Variants in MAP3K5 observed in about 807,000 individuals in gnomAD.
The protein encoded by MAP3K5 is ASK-1.
A neutral mutation model predicts 158.7 loss-of-function variants in MAP3K5; 56 were observed. The observed-to-expected ratio is 0.35, with a 90% confidence interval of 0.28 to 0.44. MAP3K5 has a LOEUF of 0.44. Among genes scored for constraint, MAP3K5 ranks in the 20% least tolerant of loss-of-function variants. The pLI is 1.00. For missense variants in MAP3K5, 1,294 were observed against 1,674.8 expected (o/e 0.77, Z 3.97); for synonymous variants, 579 against 601.7 (o/e 0.96, Z 0.55).
intron 1 of MAP3K5, among the ~76,000 whole-genome samples, chr6:136,730,203 C>T (rs1460733055): frequency 7.6e-5 from 11 of 145,604 alleles, no homozygotes; most frequent in Non-Finnish European, 1.4e-4. Flanking sequence ...CTCACTATGT[C>T]GACCAAGCTG....
chr6:136,746,295 G>GGC (rs11422222), intron 1 of MAP3K5, among the ~76,000 whole-genome samples: 1 of 151,726 alleles, frequency 6.6e-6, no homozygotes, highest in African/African-American at 2.4e-5. Flanking sequence ...TGAGGGGGGG[G>GGC]CAGGAAAATA....
At chr6:136,703,497 C>A (rs2114699325) in intron 3 of MAP3K5, among the ~76,000 whole-genome samples, 1 of 152,358 alleles carries the variant, frequency 6.6e-6, no homozygotes, top group Middle Eastern at 3.4e-3. Flanking sequence ...GTTTCCACTT[C>A]CAGCCTCCCC....
chr6:136,592,570 C>T lies in MAP3K5; in HGVS notation c.2923G>A (p.Asp975Asn), dbSNP rs1344738703. ...ISLPVPVLVEDTSSSSEYGSV... is the reference protein window; with the variant it reads ...ISLPVPVLVENTSSSSEYGSV... ...CCGTACTCACTGCTGCTGCTGGTGT[C>T]CTCCACCAGCACAGGTACCGGCAAG... Residue 975 changes from aspartate to asparagine, a missense_variant, in exon 22 of 30, where the codon GAC becomes AAC. Asp to Asn is a conservative substitution (Grantham distance 23). This residue lies in a region of MAP3K5 where 362 missense variants were observed against 463.2 expected (regional missense o/e 0.78). Coordinates refer to ENST00000359015, the MANE Select transcript of MAP3K5 (RefSeq NM_005923.4). 1 of 1,613,746 alleles carries T rather than the reference C, an allele frequency of 6.2e-7. No homozygotes were observed.
chr6:136,773,590 C>A (rs1317884134), intron 1 of MAP3K5, among the ~76,000 whole-genome samples: 1 of 152,134 alleles, frequency 6.6e-6, no homozygotes, highest in African/African-American at 2.4e-5. Context: ...ACCATCTTCC[C>A]TTTCTCACTA....
chr6:136,770,629 C>T (rs1218705470), intron 1 of MAP3K5, among the ~76,000 whole-genome samples: 17 of 152,218 alleles, frequency 1.1e-4, no homozygotes, highest in East Asian at 9.6e-4. Context: ...CAGTGGCTCA[C>T]GCCTGTAATC....
intron 1 of MAP3K5, among the ~76,000 whole-genome samples, chr6:136,790,491 TA>T (rs1405505353): frequency 3.3e-5 from 5 of 152,230 alleles, no homozygotes; most frequent in African/African-American, 1.2e-4. Context: ...CATGCTCAGT[TA>T]TGAAGACCAA....
intron 8 of MAP3K5, among the ~76,000 whole-genome samples, chr6:136,660,383 C>T (rs1424626371): frequency 6.6e-6 from 1 of 151,040 alleles, no homozygotes; most frequent in Non-Finnish European, 1.5e-5. Flanking sequence ...AAGATTCTGT[C>T]TCATGAAAAA....
At chr6:136,786,551 A>T (rs1410483108) in intron 1 of MAP3K5, among the ~76,000 whole-genome samples, 1 of 152,192 alleles carries the variant, frequency 6.6e-6, no homozygotes, top group African/African-American at 2.4e-5. Context: ...TCTGAGTGAC[A>T]GTCTCTTGTA....
intron 7 of MAP3K5, among the ~76,000 whole-genome samples, chr6:136,692,163 T>A (rs1314239938): frequency 1.3e-5 from 2 of 152,078 alleles, no homozygotes; most frequent in Non-Finnish European, 2.9e-5. Context: ...CACCTCAGCC[T>A]CCTGAGTAGC....
intron 2 of MAP3K5, among the ~76,000 whole-genome samples, chr6:136,716,411 T>C (rs1781530358): frequency 6.6e-6 from 1 of 152,174 alleles, no homozygotes; most frequent in African/African-American, 2.4e-5. Context: ...AAAAGTAGCA[T>C]TGTTTAAAGT....
chr6:136,558,023 C>A (rs9376201), intron 29 of MAP3K5, among the ~76,000 whole-genome samples: 3 of 152,152 alleles, frequency 2.0e-5, no homozygotes, highest in Non-Finnish European at 4.4e-5. Flanking sequence ...TGCTATGTCC[C>A]AAAACATCAT....
At chr6:136,703,395 A>T (rs1280486428) in intron 3 of MAP3K5, among the ~76,000 whole-genome samples, 1 of 152,136 alleles carries the variant, frequency 6.6e-6, no homozygotes, top group East Asian at 1.9e-4. Context: ...TTTTTAGCAC[A>T]TCACCTTACG....
At chr6:136,734,681 G>T (rs9784881) in intron 1 of MAP3K5, among the ~76,000 whole-genome samples, 74,485 of 151,882 alleles carry the variant, frequency 0.49, 18,502 homozygotes, top group African/African-American at 0.55. Context: ...CTTTTGTGAA[G>T]CTTATTACAG....
At chr6:136,765,679 ATT>A (rs780589836) in intron 1 of MAP3K5, among the ~76,000 whole-genome samples, 16 of 120,012 alleles carry the variant, frequency 1.3e-4, no homozygotes, top group African/African-American at 3.5e-4. Flanking sequence ...TGCCTGGCTA[ATT>A]TTTTTTTTTT....
chr6:136,641,808 T>C (rs1022172493), intron 12 of MAP3K5, among the ~76,000 whole-genome samples: 4 of 151,146 alleles, frequency 2.6e-5, no homozygotes, highest in Non-Finnish European at 5.9e-5. Context: ...GCCAACACGG[T>C]GAAACCCTGT....
At chr6:136,591,961 C>A (rs1775406175) in intron 23 of MAP3K5, among the ~76,000 whole-genome samples, 1 of 152,118 alleles carries the variant, frequency 6.6e-6, no homozygotes, top group Middle Eastern at 3.2e-3. Flanking sequence ...AGCTTATGTT[C>A]AAAAATGCAA....
At chr6:136,633,339 A>T (rs1192914672) in intron 14 of MAP3K5, among the ~76,000 whole-genome samples, 3 of 152,114 alleles carry the variant, frequency 2.0e-5, no homozygotes, top group African/African-American at 7.2e-5. Flanking sequence ...TGGAGGTTGC[A>T]GTAAGCCAAG....
chr6:136,599,238 G>A (rs1286098671), intron 21 of MAP3K5, among the ~76,000 whole-genome samples: 2 of 151,976 alleles, frequency 1.3e-5, no homozygotes, highest in Non-Finnish European at 2.9e-5. Context: ...AGGAAGGAGA[G>A]GGAGGAGGCA....
chr6:136,735,305 A>C (rs973387561), intron 1 of MAP3K5, among the ~76,000 whole-genome samples: 3 of 152,222 alleles, frequency 2.0e-5, no homozygotes, highest in Non-Finnish European at 4.4e-5. Flanking sequence ...ACAGGGGAGA[A>C]GAGGAGATGA....
Sources: allele counts gnomAD v4.1 joint callset (sites outside exome capture counted in the v4.1 genomes callset), GRCh38; gene constraint gnomAD v4.1.1; regional missense constraint gnomAD v4.1.1; transcripts MANE v1.5; gene names NCBI Gene and HGNC (gene_info 2026-07-23, HGNC 2026-07-21).